Variants in ABCC4 observed in about 807,000 individuals in gnomAD.
ABCC4 encodes the protein ATP-binding cassette sub-family C member 4.
In ABCC4, 102 loss-of-function variants were observed where a neutral mutation model predicts 168.5. That is an observed-to-expected ratio of 0.61 (90% CI 0.52 to 0.71). ABCC4 has a LOEUF of 0.71. Ranked by LOEUF, ABCC4 falls within the 30% of genes least tolerant of loss-of-function variation. The probability of loss-of-function intolerance (pLI) is 0.00; values close to 1 mark genes in which losing one functional copy is unlikely to be tolerated. For missense variants in ABCC4, 1,402 were observed against 1,605.8 expected (o/e 0.87, Z 2.17); for synonymous variants, 617 against 590.7 (o/e 1.04, Z -0.65).
chr13:95,021,873 G>A (rs2031105203), intron 30 of ABCC4, among the ~76,000 whole-genome samples, 191 bp from the exon 31 acceptor site: 1 of 152,178 alleles, frequency 6.6e-6, no homozygotes, highest in Admixed American at 6.5e-5. Context: ...GCAGGGCTGG[G>A]CTGAATGCCA....
rs199805372 is a variant in ABCC4 at position 95,234,693 on chromosome 13, T to C, written c.448A>G (p.Ile150Val). The part of the protein sequence containing the change: ...VLTFCTLILA[I>V]LHHLYFYHVQ... Reference sequence around the variant, plus strand: ...TGATAAAAATATAAGTGATGCAGTATAGCCAAAATGAGCGTGCAAAAAGTC... The same window carrying C: ...TGATAAAAATATAAGTGATGCAGTACAGCCAAAATGAGCGTGCAAAAAGTC... The change falls in exon 4 of 31, where the codon ATA becomes GTA. Residue 150 changes from isoleucine to valine, a missense_variant. Physicochemically the swap from Ile to Val is conservative, Grantham distance 29. Transcript: ENST00000645237. 30 of 1,614,132 alleles carry C rather than the reference T, an allele frequency of 1.9e-5. 1 individual carries two copies. The African/African-American group carries it at 1.9e-4, about 10-fold the overall frequency.
In ABCC4 at chr13:95,124,713, GAAAAA is replaced by G. The variant is rs59665124; in HGVS notation, c.2456-8717_2456-8713del. ...GTGAAACCCTGTCTCTACTAAAAAC[GAAAAA>G]AAAAAAAAAAAAAAAAGCCAGACAT... On this transcript the variant is annotated intron_variant, in intron 19 of 30. Coordinates refer to ENST00000645237, the MANE Select transcript of ABCC4 (RefSeq NM_005845.5). 2.4e-4 allele frequency among the ~76,000 whole-genome samples: 14 copies of G among 59,218 alleles called. 1 individual carries two copies. The Admixed American group carries it at 4.2e-3, about 18-fold the overall frequency. The allele number at this position is 59,218 out of a possible 152,430, so 38.8% of individuals were successfully genotyped here. A position where few individuals can be genotyped will look rare whatever the true frequency, so the allele number is the denominator to read the frequency against.
At chr13:95,248,185 T>C (rs1273998523) in intron 1 of ABCC4, among the ~76,000 whole-genome samples, 1 of 151,994 alleles carries the variant, frequency 6.6e-6, no homozygotes, top group African/African-American at 2.4e-5. Context: ...CTTGACGGGG[T>C]CCCACTAGAC....
chr13:95,135,081 CA>C (rs1274578492), intron 19 of ABCC4, among the ~76,000 whole-genome samples: 1 of 152,162 alleles, frequency 6.6e-6, no homozygotes, highest in East Asian at 1.9e-4. Flanking sequence ...CTCCCTTACG[CA>C]AAAGCTATTT....
At chr13:95,185,975 T>A (rs2038045626) in intron 11 of ABCC4, among the ~76,000 whole-genome samples, 1 of 151,944 alleles carries the variant, frequency 6.6e-6, no homozygotes, top group Non-Finnish European at 1.5e-5. Context: ...TGAAACAAAT[T>A]TTCTTTTTTA....
chr13:95,247,223 T>C (rs185750757), intron 2 of ABCC4, 128 bp from the exon 3 acceptor site: 251 of 1,063,216 alleles, frequency 2.4e-4, no homozygotes, highest in Middle Eastern at 2.2e-3. Flanking sequence ...ATGCTACTAA[T>C]TGCTCCCAGG....
intron 24 of ABCC4, among the ~76,000 whole-genome samples, chr13:95,072,322 G>T (rs142197740): frequency 6.6e-6 from 1 of 152,074 alleles, no homozygotes; most frequent in Admixed American, 6.6e-5. Flanking sequence ...TTAGCTGGGC[G>T]TGGTGCTGCA....
chr13:95,163,769 T>C (rs2037174403), intron 16 of ABCC4, 122 bp from the exon 17 acceptor site: 4 of 805,450 alleles, frequency 5.0e-6, no homozygotes, highest in African/African-American at 3.4e-5. Context: ...TGGTGGCTCA[T>C]GCTTGTAAAC....
chr13:95,078,481 GT>G (rs1388751011), intron 21 of ABCC4, among the ~76,000 whole-genome samples: 2 of 152,148 alleles, frequency 1.3e-5, no homozygotes, highest in Non-Finnish European at 2.9e-5. Context: ...CCTTTTACTC[GT>G]TATTTGTGTC....
intron 14 of ABCC4, among the ~76,000 whole-genome samples, chr13:95,169,698 A>C (rs966037437): frequency 6.6e-6 from 1 of 152,176 alleles, no homozygotes; most frequent in Admixed American, 6.5e-5. Context: ...GACGATGGCA[A>C]GGACTTTGTC....
At chr13:95,106,836 G>A (rs934003244) in intron 20 of ABCC4, among the ~76,000 whole-genome samples, 2 of 152,152 alleles carry the variant, frequency 1.3e-5, no homozygotes, top group Non-Finnish European at 2.9e-5. Context: ...CTTTCCCTTT[G>A]GCATAGGGAG....
chr13:95,280,071 G>A (rs1461690504), intron 1 of ABCC4, among the ~76,000 whole-genome samples: 2 of 152,164 alleles, frequency 1.3e-5, no homozygotes, highest in African/African-American at 4.8e-5. Context: ...GTGAGTTTCT[G>A]ACACTGGCCT....
At chr13:95,201,802 G>T (rs989293075) in intron 8 of ABCC4, among the ~76,000 whole-genome samples, 1 of 152,048 alleles carries the variant, frequency 6.6e-6, no homozygotes, top group Non-Finnish European at 1.5e-5. Context: ...GTGAAACCTT[G>T]CCTCTACTAA....
chr13:95,237,094 T>C (rs1245562171), intron 3 of ABCC4, among the ~76,000 whole-genome samples: 4 of 152,154 alleles, frequency 2.6e-5, no homozygotes, highest in Admixed American at 2.6e-4. Flanking sequence ...GTGAGTATGA[T>C]TCAAACGGCA....
intron 25 of ABCC4, among the ~76,000 whole-genome samples, chr13:95,070,243 C>G (rs1236295516): frequency 6.6e-6 from 1 of 151,310 alleles, no homozygotes; most frequent in South Asian, 2.1e-4. Context: ...GACTCTGTCT[C>G]GAAAAAAGAA....
intron 11 of ABCC4, among the ~76,000 whole-genome samples, chr13:95,178,373 T>C (rs1364209563): frequency 6.6e-6 from 1 of 152,222 alleles, no homozygotes; most frequent in African/African-American, 2.4e-5. Context: ...AGCAACTCCT[T>C]GTGAATTCAG....
chr13:95,150,107 G>A (rs568231979), intron 19 of ABCC4, among the ~76,000 whole-genome samples: 4 of 152,180 alleles, frequency 2.6e-5, no homozygotes, highest in South Asian at 2.1e-4. Context: ...ACGAGGAGCC[G>A]GTACTATAGG....
chr13:95,158,575 C>T (rs1465246759), intron 19 of ABCC4, among the ~76,000 whole-genome samples: 2 of 152,106 alleles, frequency 1.3e-5, no homozygotes, highest in Non-Finnish European at 2.9e-5. Context: ...GAAACTCCCC[C>T]GGGGCTCTTC....
At chr13:95,087,779 A>G (rs2034305191) in intron 20 of ABCC4, among the ~76,000 whole-genome samples, 1 of 152,192 alleles carries the variant, frequency 6.6e-6, no homozygotes. Context: ...CTACTGTAGC[A>G]TCTCACCTGC....
Sources: allele counts gnomAD v4.1 joint callset (sites outside exome capture counted in the v4.1 genomes callset), GRCh38; gene constraint gnomAD v4.1.1; transcripts MANE v1.5; gene names NCBI Gene and HGNC (gene_info 2026-07-23, HGNC 2026-07-21).